KIF1A: variants seen among roughly 807,000 people sequenced by gnomAD.
The protein encoded by KIF1A is kinesin family member 1A, also known as kinesin-like protein KIF1A.
In KIF1A, 46 loss-of-function variants were observed where a neutral mutation model predicts 227.3. That is an observed-to-expected ratio of 0.20 (90% CI 0.16 to 0.26). The LOEUF (loss-of-function observed/expected upper bound fraction) is 0.26. Among genes scored for constraint, KIF1A ranks in the 10% least tolerant of loss-of-function variants. The pLI, the probability that KIF1A is intolerant of heterozygous loss-of-function variation, is 1.00. For missense variants in KIF1A, 1,683 were observed against 2,485.9 expected (o/e 0.68, Z 6.87); for synonymous variants, 1,022 against 1,012.8 (o/e 1.01, Z -0.17).
intron 13 of KIF1A, 43 bp from the exon 14 acceptor site, chr2:240,772,639 A>G: frequency 2.0e-6 from 3 of 1,479,184 alleles, no homozygotes; most frequent in Non-Finnish European, 2.8e-6. Context: ...AGACAGAGAA[A>G]CAGAAGAACA....
At chr2:240,806,738 A>G (rs2057435487) in intron 1 of KIF1A, among the ~76,000 whole-genome samples, 1 of 152,232 alleles carries the variant, frequency 6.6e-6, no homozygotes, top group Non-Finnish European at 1.5e-5. Context: ...ATGCATAACT[A>G]TGAGAAAAAT....
intron 10 of KIF1A, chr2:240,781,749 C>T (rs982766516): frequency 2.0e-6 from 2 of 985,038 alleles, no homozygotes; most frequent in Non-Finnish European, 2.4e-6. Flanking sequence ...CACACAGTTC[C>T]CCACACAGTT....
chr2:240,747,728 A>G (rs1377476040), intron 28 of KIF1A, among the ~76,000 whole-genome samples: 1 of 152,142 alleles, frequency 6.6e-6, no homozygotes, highest in Non-Finnish European at 1.5e-5. Context: ...CATCTGGGTG[A>G]AGCTACCACC....
chr2:240,797,798 G>T lies in KIF1A; in HGVS notation c.-46C>A. On this transcript the variant is annotated 5_prime_UTR_variant, in exon 2 of 49. It adds an upstream start codon to the 5' untranslated region. Coordinates refer to ENST00000498729, the MANE Select transcript of KIF1A (RefSeq NM_001244008.2). ...ACTCCTCGCAGTAGTGGGAGCCCCA[G>T]TGTGGGGGGAACACCTTGGAAAAAA... 8.1e-7 allele frequency: 1 copy of T among 1,238,142 alleles called. No homozygotes were observed. The highest frequency in any genetic ancestry group is 1.2e-6 in the Non-Finnish European group (1 of 856,342). 76.7% of individuals were successfully genotyped at this position (1,238,142 alleles called of 1,614,324 possible).
At chr2:240,768,842 G>A (rs2051547850) in intron 17 of KIF1A, among the ~76,000 whole-genome samples, 1 of 152,192 alleles carries the variant, frequency 6.6e-6, no homozygotes, top group African/African-American at 2.4e-5. Context: ...CCTGGGTGTT[G>A]GCTCCTCAGC....
In KIF1A at chr2:240,775,088, G is replaced by T. The variant is rs561169530; in HGVS notation, c.958+763C>A. On this transcript the variant is annotated intron_variant, in intron 11 of 48. Transcript: ENST00000498729. The surrounding 1 kb of genome is among the most constrained non-coding windows in gnomAD (Gnocchi z 5.5). ...GGCTCCTTCCCAGCCCACGTCTCAG[G>T]TGAAGGAACACACTCTCCTCCTCTC... Among the ~76,000 whole-genome samples, 1 of 152,218 alleles carries T rather than the reference G, an allele frequency of 6.6e-6. No homozygotes were observed. The highest frequency in any genetic ancestry group is 1.5e-5 in the Non-Finnish European group (1 of 68,032).
rs553791025 is a variant in KIF1A at position 240,796,100 on chromosome 2, G to A, written c.106+1547C>T. On this transcript the variant is annotated intron_variant, in intron 2 of 48. Transcript: ENST00000498729. ...AAGCCTGTTGGAGCGTGGAACAGGCGTCCTCTGCCCACCCCGGGCCACAGT... is the reference window on the plus strand; with the variant it reads ...AAGCCTGTTGGAGCGTGGAACAGGCATCCTCTGCCCACCCCGGGCCACAGT... Among the ~76,000 whole-genome samples the A allele has an allele frequency of 1.0e-3, 153 of 152,256 alleles. 1 individual carries two copies. The highest frequency in any genetic ancestry group is 3.5e-3 in the African/African-American group (145 of 41,532).
chr2:240,774,391 A>ACCCCCCC (rs570956380), intron 11 of KIF1A, 130 bp from the exon 12 acceptor site: 14 of 253,670 alleles, frequency 5.5e-5, no homozygotes, highest in African/African-American at 3.2e-4. Flanking sequence ...TCACAGGCTT[A>ACCCCCCC]CCCCCCCCCC....
At chr2:240,745,992 G>C in intron 30 of KIF1A, 47 bp downstream of exon 30, 1 of 1,601,108 alleles carries the variant, frequency 6.2e-7, no homozygotes, top group Non-Finnish European at 8.5e-7. Flanking sequence ...TCAGGAACCA[G>C]GTCTCAGCAT....
intron 46 of KIF1A, among the ~76,000 whole-genome samples, chr2:240,719,531 T>C (rs868803759): frequency 2.0e-5 from 3 of 152,346 alleles, no homozygotes; most frequent in Middle Eastern, 3.4e-3. Context: ...TCCCCTGTGC[T>C]CTGTGCTGGT....
chr2:240,732,148 T>G (rs149971648), intron 38 of KIF1A, among the ~76,000 whole-genome samples: 59 of 4,930 alleles, frequency 0.012, no homozygotes, highest in East Asian at 0.019. Flanking sequence ...GATGAGGGAT[T>G]GGGGAGGAGG....
rs2054757914 is a variant in KIF1A, at chr2:240,786,443, C to T, written c.500G>A (p.Arg167His). ...LLNPKNKGNL[R>H]VREHPLLGPY... is the part of the protein sequence containing the mutation. ...CCCCAGCAGTGGGTGCTCCCTCACGCGAAGGTTGCCCTTGTTCTTGGGGTT... is the reference window on the plus strand; with the variant it reads ...CCCCAGCAGTGGGTGCTCCCTCACGTGAAGGTTGCCCTTGTTCTTGGGGTT... Residue 167 changes from arginine to histidine, a missense_variant, in exon 6 of 49, where the codon CGC becomes CAC. Arg to His is a conservative substitution (Grantham distance 29). This residue lies in a region of KIF1A where 75 missense variants were observed against 131.2 expected (regional missense o/e 0.57). Coordinates refer to ENST00000498729, the MANE Select transcript of KIF1A (RefSeq NM_001244008.2). 4 of 1,613,612 alleles carry T rather than the reference C, an allele frequency of 2.5e-6. No homozygotes were observed. The highest frequency in any genetic ancestry group is 2.5e-6 in the Non-Finnish European group (3 of 1,179,770).
chr2:240,762,144 C>T (rs2050609925), intron 23 of KIF1A, among the ~76,000 whole-genome samples: 1 of 152,248 alleles, frequency 6.6e-6, no homozygotes, highest in African/African-American at 2.4e-5. Flanking sequence ...ATACCAAGGT[C>T]ATGCCAGCAC....
In KIF1A at chr2:240,722,588, C is replaced by T. The variant is rs761592052; in HGVS notation, c.4533G>A (p.Glu1511=). The T allele has an allele frequency of 1.3e-6, 2 of 1,562,902 alleles. No homozygotes were observed. The highest frequency in any genetic ancestry group is 8.7e-7 in the Non-Finnish European group (1 of 1,153,856). ...CCTCGCTGAAGGCCGGGGACAGTGC[C>T]TCCGGGACAGGCCGCTGGGCGGTCT... is the stretch of plus-strand genomic sequence containing the variant. ...KLETAQRPVP[E]ALSPAFSEDS... The change falls in exon 43 of 49, where the codon GAG becomes GAA. Residue 1511 remains glutamate (E), a synonymous_variant. Coordinates refer to ENST00000498729, the MANE Select transcript of KIF1A (RefSeq NM_001244008.2).
At chr2:240,756,921 A>C (rs2049909103) in intron 27 of KIF1A, among the ~76,000 whole-genome samples, 1 of 152,166 alleles carries the variant, frequency 6.6e-6, no homozygotes, top group Non-Finnish European at 1.5e-5. Context: ...CACCTATCAA[A>C]TGCCCCTTGG....
At chr2:240,755,070 T>A (rs1261311126) in intron 27 of KIF1A, among the ~76,000 whole-genome samples, 1 of 151,816 alleles carries the variant, frequency 6.6e-6, no homozygotes, top group African/African-American at 2.4e-5. Flanking sequence ...TTCCTACCCC[T>A]CCTATGCCAG....
At chr2:240,735,739 T>C (rs1244694032) in intron 38 of KIF1A, among the ~76,000 whole-genome samples, 1 of 152,156 alleles carries the variant, frequency 6.6e-6, no homozygotes, top group East Asian at 1.9e-4. Flanking sequence ...AGCATTCTCA[T>C]GGCGGCAGGA....
intron 1 of KIF1A, among the ~76,000 whole-genome samples, chr2:240,810,336 A>G (rs959635528): frequency 6.6e-6 from 1 of 152,264 alleles, no homozygotes; most frequent in Non-Finnish European, 1.5e-5. Flanking sequence ...GGCAATTTAC[A>G]TGAAAAGATA....
At chr2:240,721,282 A>G (rs2241681) in intron 44 of KIF1A, among the ~76,000 whole-genome samples, 1 of 152,302 alleles carries the variant, frequency 6.6e-6, no homozygotes. Flanking sequence ...CACCCTGCCA[A>G]TGCCTCGAGG....
Sources: gnomAD v4.1 joint callset for allele counts (sites outside exome capture counted in the v4.1 genomes callset) on GRCh38, gnomAD v4.1.1 for gene constraint, gnomAD v4.1.1 regional missense constraint, Gnocchi (gnomAD v3.1) non-coding constraint, MANE v1.5 for transcripts, NCBI Gene and HGNC (gene_info 2026-07-23, HGNC 2026-07-21) for gene names.